The following STXBP5L variants were observed in gnomAD, a reference collection of about 807,000 sequenced individuals.
The protein encoded by STXBP5L is syntaxin-binding protein 5-like.
STXBP5L carries 65 observed loss-of-function variants against 144.5 expected under a neutral mutation model. That is an observed-to-expected ratio of 0.45 (90% CI 0.37 to 0.55). The LOEUF (loss-of-function observed/expected upper bound fraction) is 0.55. Among genes scored for constraint, STXBP5L ranks in the 20% least tolerant of loss-of-function variants. The probability of loss-of-function intolerance (pLI) is 0.00; values close to 1 mark genes in which losing one functional copy is unlikely to be tolerated. For synonymous variants in STXBP5L, 505 were observed against 469.6 expected, an observed-to-expected ratio of 1.08 and a Z score of -0.97; for missense variants, 1,298 against 1,405.5, an observed-to-expected ratio of 0.92 and a Z score of 1.22.
At chr3:121,005,135 C>A (rs1470536523) in intron 3 of STXBP5L, among the ~76,000 whole-genome samples, 1 of 152,160 alleles carries the variant, frequency 6.6e-6, no homozygotes, top group Non-Finnish European at 1.5e-5. Flanking sequence ...GTTACCAGCT[C>A]CTCCTTGTAA....
chr3:121,354,041 G>A (rs1296492705), intron 20 of STXBP5L, among the ~76,000 whole-genome samples: 2 of 152,202 alleles, frequency 1.3e-5, no homozygotes, highest in Admixed American at 1.3e-4. Flanking sequence ...ACTGTGGTCT[G>A]AGAGACAGTT....
At position 121,413,089 on chromosome 3, in the gene STXBP5L, C is replaced by G. The variant is rs1054260326; in HGVS notation, c.2949-69C>G. The G allele has an allele frequency of 8.7e-6, 10 of 1,148,078 alleles. No individual in the cohort carries two copies. In the African/African-American group the frequency reaches 1.6e-4, roughly 18 times the overall value. The allele number at this position is 1,148,078 out of a possible 1,614,324, so 71.1% of individuals were successfully genotyped here. On this transcript the variant is annotated intron_variant, in intron 23 of 26. Coordinates refer to ENST00000471454, the MANE Select transcript of STXBP5L (RefSeq NM_001308330.2). ...CCATAAAATAATAGAATAAAAATTA[C>G]TGTTTTTATGTAAATATCTGCTTCT...
At chr3:121,341,918 A>G (rs775012186) in intron 20 of STXBP5L, among the ~76,000 whole-genome samples, 34 of 152,012 alleles carry the variant, frequency 2.2e-4, no homozygotes, top group Non-Finnish European at 3.8e-4. Context: ...GAATAAGACT[A>G]GTATTTCCTA....
chr3:121,322,476 C>CAAA lies in STXBP5L; in HGVS notation c.2176+3951_2176+3953dup, dbSNP rs5852266. Among the ~76,000 whole-genome samples, 742 of 128,438 alleles carry CAAA rather than the reference C, an allele frequency of 5.8e-3. 5 individuals carry two copies. Among genetic ancestry groups the CAAA allele is most frequent in the Middle Eastern group, 0.017 (4 of 242 alleles). 84.3% of individuals were successfully genotyped at this position (128,438 alleles called of 152,430 possible). On this transcript the variant is annotated intron_variant, in intron 20 of 26. Transcript: ENST00000471454. ...CTGGGCAACAAGAGCGAAACTGTGCCAAAAAAAAAAAAAAAAAGACATGAC... is the reference window on the plus strand; with the variant it reads ...CTGGGCAACAAGAGCGAAACTGTGCCAAAAAAAAAAAAAAAAAAAAGACATGAC...
chr3:121,285,558 A>C (rs1236720181), intron 19 of STXBP5L, among the ~76,000 whole-genome samples: 1 of 152,108 alleles, frequency 6.6e-6, no homozygotes, highest in Non-Finnish European at 1.5e-5. Context: ...AAATTTTTAA[A>C]TTACCAAGCG....
chr3:121,180,040 C>A (rs112558010), intron 9 of STXBP5L, among the ~76,000 whole-genome samples: 2 of 152,062 alleles, frequency 1.3e-5, no homozygotes, highest in Admixed American at 1.3e-4. Flanking sequence ...AAAACTTTCC[C>A]GGCCTTACTA....
At chr3:121,117,664 A>G (rs1446253761) in intron 6 of STXBP5L, among the ~76,000 whole-genome samples, 4 of 151,828 alleles carry the variant, frequency 2.6e-5, no homozygotes, top group African/African-American at 9.7e-5. Flanking sequence ...AATTATCTAA[A>G]AAAATATGAG....
rs570558166 is a variant in STXBP5L, at chr3:121,348,990, A to C, written c.2177-29726A>C. Reference sequence around the variant, plus strand: ...TGCTCTGATGTTAGTTATTTCTTCCATTCTGTTAGCTTTTGAATGTGTTTG... The same window carrying C: ...TGCTCTGATGTTAGTTATTTCTTCCCTTCTGTTAGCTTTTGAATGTGTTTG... On this transcript the variant is annotated intron_variant, in intron 20 of 26. Transcript: ENST00000471454. Among the ~76,000 whole-genome samples, 380 of 151,698 alleles carry C rather than the reference A, an allele frequency of 2.5e-3. 3 individuals carry two copies. The highest frequency in any genetic ancestry group is 8.7e-3 in the African/African-American group (358 of 41,338).
At chr3:121,363,659 T>G (rs1211802499) in intron 20 of STXBP5L, among the ~76,000 whole-genome samples, 1 of 151,978 alleles carries the variant, frequency 6.6e-6, no homozygotes, top group East Asian at 1.9e-4. Flanking sequence ...TTCAGAACTG[T>G]TTTTTCTATC....
rs537533745 is a variant in STXBP5L at position 121,080,443 on chromosome 3, G to A, written c.471-34482G>A. On this transcript the variant is annotated intron_variant, in intron 5 of 26. Coordinates refer to ENST00000471454, the MANE Select transcript of STXBP5L (RefSeq NM_001308330.2). ...CCCTGTGAGATTTATGCTTTAAGGGGTTTCTATTTTGGTGAATATTGAGGT... is the reference window on the plus strand; with the variant it reads ...CCCTGTGAGATTTATGCTTTAAGGGATTTCTATTTTGGTGAATATTGAGGT... Among the ~76,000 whole-genome samples, 25 of 152,186 alleles carry A rather than the reference G, an allele frequency of 1.6e-4. No individual in the cohort carries two copies. The South Asian group carries it at 4.4e-3, about 27-fold the overall frequency.
chr3:120,942,342 T>C (rs2107655819), intron 2 of STXBP5L, among the ~76,000 whole-genome samples: 1 of 151,778 alleles, frequency 6.6e-6, no homozygotes, highest in Non-Finnish European at 1.5e-5. Context: ...AATGGTATTG[T>C]AATTTCTGTA....
At chr3:120,999,243 T>C (rs1156884684) in intron 3 of STXBP5L, among the ~76,000 whole-genome samples, 1 of 152,014 alleles carries the variant, frequency 6.6e-6, no homozygotes, top group Non-Finnish European at 1.5e-5. Flanking sequence ...AGTAGAGATG[T>C]GGTTTCACCG....
At chr3:120,992,922 G>A (rs1005034550) in intron 3 of STXBP5L, among the ~76,000 whole-genome samples, 4 of 152,020 alleles carry the variant, frequency 2.6e-5, no homozygotes, top group Admixed American at 1.3e-4. Flanking sequence ...GCCGCCACCC[G>A]TGTATAAGAG....
chr3:121,300,328 A>G (rs780750295), intron 19 of STXBP5L, among the ~76,000 whole-genome samples: 1 of 152,190 alleles, frequency 6.6e-6, no homozygotes, highest in Admixed American at 6.5e-5. Flanking sequence ...AAAATTAGGA[A>G]TACAGGTAAG....
intron 7 of STXBP5L, among the ~76,000 whole-genome samples, chr3:121,149,532 A>G (rs995131347): frequency 1.3e-5 from 2 of 152,090 alleles, no homozygotes; most frequent in African/African-American, 4.8e-5. Flanking sequence ...AGAAAAAAAT[A>G]AAGTAGTCTC....
At chr3:121,170,839 T>C (rs1190744099) in intron 9 of STXBP5L, among the ~76,000 whole-genome samples, 1 of 152,226 alleles carries the variant, frequency 6.6e-6, no homozygotes, top group African/African-American at 2.4e-5. Context: ...TAACTCATTT[T>C]ATGAGGCCAG....
intron 5 of STXBP5L, among the ~76,000 whole-genome samples, chr3:121,111,270 G>A (rs181536411): frequency 1.8e-4 from 28 of 152,286 alleles, no homozygotes; most frequent in Admixed American, 1.2e-3. Context: ...GCCCAGTTCT[G>A]TGCCCTTGCC....
chr3:121,295,267 T>C (rs1434808352), intron 19 of STXBP5L, among the ~76,000 whole-genome samples: 1 of 152,112 alleles, frequency 6.6e-6, no homozygotes, highest in East Asian at 1.9e-4. Flanking sequence ...AGGACTGACA[T>C]TTAATAGGAG....
At chr3:121,124,695 C>T (rs2044623904) in intron 7 of STXBP5L, among the ~76,000 whole-genome samples, 1 of 151,872 alleles carries the variant, frequency 6.6e-6, no homozygotes, top group Non-Finnish European at 1.5e-5. Context: ...CTGGAATATT[C>T]TATTTATAAA....
Sources: gnomAD v4.1 joint callset for allele counts (sites outside exome capture counted in the v4.1 genomes callset) on GRCh38, gnomAD v4.1.1 for gene constraint, MANE v1.5 for transcripts, NCBI Gene and HGNC (gene_info 2026-07-23, HGNC 2026-07-21) for gene names.